DPH6: variants seen among roughly 807,000 people sequenced by gnomAD.
DPH6 encodes diphthamine biosynthesis 6, also known as diphthine--ammonia ligase.
Under a neutral mutation model 38.2 loss-of-function variants are expected in DPH6, and 33 were observed. The observed-to-expected ratio is 0.86, with a 90% CI of 0.65 to 1.15. DPH6 has a LOEUF of 1.15. Among genes scored for constraint, DPH6 ranks in the 50% most tolerant of loss-of-function variants. The pLI is 0.00. For missense variants in DPH6, 325 were observed against 320.0 expected, an observed-to-expected ratio of 1.02 and a Z score of -0.12; for synonymous variants, 108 against 103.0, an observed-to-expected ratio of 1.05 and a Z score of -0.30.
intron 3 of DPH6, among the ~76,000 whole-genome samples, chr15:35,242,320 G>A (rs1226930556): frequency 2.1e-5 from 3 of 142,660 alleles, no homozygotes; most frequent in Non-Finnish European, 4.6e-5. Context: ...CATGGTTAGT[G>A]CGGTCAGAAT....
downstream of DPH6, among the ~76,000 whole-genome samples, chr15:35,214,993 A>G (rs948090473): frequency 2.6e-4 from 40 of 152,330 alleles, no homozygotes; most frequent in African/African-American, 8.9e-4. Flanking sequence ...TCCTTGTAAC[A>G]TGAAAGTCAG....
chr15:35,542,949 T>TAC (rs2055280514), intron 1 of DPH6, among the ~76,000 whole-genome samples: 8 of 104,086 alleles, frequency 7.7e-5, no homozygotes, highest in Admixed American at 6.5e-4. Flanking sequence ...TTAAGGAATA[T>TAC]ATATATATAT....
intron 8 of DPH6, chr15:35,372,407 G>A (rs1408019946): frequency 4.0e-5 from 15 of 374,000 alleles, no homozygotes; most frequent in African/African-American, 6.3e-5. Context: ...TGAGCTATTC[G>A]GGTAGAGCTG....
chr15:35,204,209 A>G, the DPH6 span, among the ~76,000 whole-genome samples: 2 of 151,756 alleles, frequency 1.3e-5, no homozygotes, highest in African/African-American at 4.8e-5. Context: ...TTTTGTATTC[A>G]GCAGCATGAT....
At chr15:35,193,214 T>TA in the DPH6 span, among the ~76,000 whole-genome samples, 2 of 151,674 alleles carry the variant, frequency 1.3e-5, no homozygotes, top group Non-Finnish European at 2.9e-5. Flanking sequence ...CAAAATTAAT[T>TA]TTTTTTTTCA....
At chr15:35,450,639 C>T in intron 5 of DPH6, 46 bp downstream of exon 5, 1 of 1,441,532 alleles carries the variant, frequency 6.9e-7, no homozygotes, top group East Asian at 2.3e-5. Flanking sequence ...GAACTGAGAT[C>T]ATCTATGTGG....
chr15:35,222,224 G>A (rs2051447496), intron 3 of DPH6, among the ~76,000 whole-genome samples: 1 of 152,204 alleles, frequency 6.6e-6, no homozygotes, highest in Non-Finnish European at 1.5e-5. Context: ...CTCAATTCAT[G>A]ACAATATAGG....
chr15:35,276,088 C>T (rs1445620623), intron 3 of DPH6, among the ~76,000 whole-genome samples: 1 of 152,202 alleles, frequency 6.6e-6, no homozygotes, highest in Non-Finnish European at 1.5e-5. Context: ...GTTTCCTGTT[C>T]ACCACATCCA....
rs553519191 is a variant in DPH6 at position 35,519,204 on chromosome 15, C to A, written c.312+19070G>T. The A allele has an allele frequency of 4.6e-5, 7 of 151,836 alleles. No individual in the cohort carries two copies. The South Asian group carries it at 1.5e-3, about 32-fold the overall frequency. 9.4% of individuals were successfully genotyped at this position (151,836 alleles called of 1,614,324 possible). On this transcript the variant is annotated intron_variant, in intron 3 of 8. Coordinates refer to ENST00000256538, the MANE Select transcript of DPH6 (RefSeq NM_080650.4). ...GAAAAAGGAAATCTAAAATTTAAATCAATGCTAATGAATGACAAACACTTT... is the reference window on the plus strand; with the variant it reads ...GAAAAAGGAAATCTAAAATTTAAATAAATGCTAATGAATGACAAACACTTT...
chr15:35,473,747 T>A (rs573527046), intron 3 of DPH6, among the ~76,000 whole-genome samples: 1 of 152,032 alleles, frequency 6.6e-6, no homozygotes, highest in East Asian at 1.9e-4. Context: ...TAGCAAAAGA[T>A]TGGGTACAAC....
At chr15:35,190,190 A>G in the DPH6 span, among the ~76,000 whole-genome samples, 1 of 152,220 alleles carries the variant, frequency 6.6e-6, no homozygotes, top group Non-Finnish European at 1.5e-5. Context: ...TAAGGCAGAT[A>G]AGGGAAGATT....
chr15:35,222,382 T>C (rs2051448222), intron 3 of DPH6, among the ~76,000 whole-genome samples: 1 of 152,224 alleles, frequency 6.6e-6, no homozygotes, highest in African/African-American at 2.4e-5. Flanking sequence ...GTTAAGAACA[T>C]GCCCTTGGCA....
At chr15:35,254,224 A>T (rs2051692893) in intron 3 of DPH6, among the ~76,000 whole-genome samples, 1 of 152,246 alleles carries the variant, frequency 6.6e-6, no homozygotes, top group African/African-American at 2.4e-5. Flanking sequence ...ATGAGTTGAC[A>T]TACCAATCAA....
chr15:35,229,926 T>TC lies in DPH6; in HGVS notation n.201-9345_201-9344insG, dbSNP rs1293190040. Among the ~76,000 whole-genome samples, 436 of 152,316 alleles carry TC rather than the reference T, an allele frequency of 2.9e-3. 1 individual carries two copies. The highest frequency in any genetic ancestry group is 1.0e-2 in the African/African-American group (415 of 41,578). On this transcript the variant is annotated intron_variant and non_coding_transcript_variant, in intron 3 of 3. Coordinates refer to the DPH6 transcript ENST00000560386. ...CTCTCTGTTTTGAGCCACCTGGAGC[T>TC]GGGGATGGAGTGACACAGGAATCCT... is the stretch of plus-strand genomic sequence containing the variant.
chr15:35,444,525 T>C (rs141987813), intron 5 of DPH6, among the ~76,000 whole-genome samples: 3 of 152,304 alleles, frequency 2.0e-5, no homozygotes, highest in East Asian at 1.9e-4. Context: ...ACAACTTCCA[T>C]AGCAATTGGA....
chr15:35,377,394 G>C (rs935006998), intron 7 of DPH6, among the ~76,000 whole-genome samples: 1 of 151,988 alleles, frequency 6.6e-6, no homozygotes, highest in East Asian at 1.9e-4. Context: ...CAGTAATACA[G>C]TGATACTGAT....
At position 35,410,904 on chromosome 15, in the gene DPH6, G is replaced by A; in HGVS notation, c.506-8C>T. On this transcript the variant is annotated splice_polypyrimidine_tract_variant and splice_region_variant and intron_variant, in intron 5 of 8. Transcript: ENST00000256538. ...GCTTATCAGGATCTAAACCTGCCAA[G>A]AAAGGTTACATTTTTTAAAGATAAC... 1 of 1,601,810 alleles carries A rather than the reference G, an allele frequency of 6.2e-7. No homozygotes were observed. Among genetic ancestry groups the A allele is most frequent in the Non-Finnish European group, 8.5e-7 (1 of 1,174,278 alleles).
At chr15:35,527,067 G>A (rs1028639587) in intron 3 of DPH6, among the ~76,000 whole-genome samples, 5 of 152,042 alleles carry the variant, frequency 3.3e-5, no homozygotes, top group East Asian at 1.9e-4. Flanking sequence ...ACAACTGAAC[G>A]TTTATCATTC....
the DPH6 span, among the ~76,000 whole-genome samples, chr15:35,160,580 G>C: frequency 6.6e-6 from 1 of 151,744 alleles, no homozygotes; most frequent in South Asian, 2.1e-4. Context: ...GTATCCAATA[G>C]GTAGTTTTTT....
Sources: allele counts gnomAD v4.1 joint callset (sites outside exome capture counted in the v4.1 genomes callset), GRCh38; gene constraint gnomAD v4.1.1; transcripts MANE v1.5; gene names NCBI Gene and HGNC (gene_info 2026-07-23, HGNC 2026-07-21).